Variants in HEMK2 observed in about 807,000 individuals in gnomAD.
HEMK2 encodes methyltransferase HEMK2.
the HEMK2 span, among the ~76,000 whole-genome samples, chr21:28,588,635 G>T: frequency 6.6e-6 from 1 of 152,124 alleles, no homozygotes; most frequent in East Asian, 1.9e-4. Context: ...GAGCAACATA[G>T]ATGTAATAAT....
chr21:28,631,458 C>T, the HEMK2 span, among the ~76,000 whole-genome samples: 1 of 152,002 alleles, frequency 6.6e-6, no homozygotes, highest in Non-Finnish European at 1.5e-5. Context: ...TATTCTAAAC[C>T]CCACCCTAAT....
chr21:28,661,404 T>C, the HEMK2 span, among the ~76,000 whole-genome samples: 3 of 152,052 alleles, frequency 2.0e-5, no homozygotes. Context: ...CACTATAATT[T>C]TATCATATCA....
the HEMK2 span, among the ~76,000 whole-genome samples, chr21:28,864,869 G>GATAGATAGATA: frequency 1.1e-5 from 1 of 87,662 alleles, no homozygotes. Flanking sequence ...ATAGATAGAT[G>GATAGATAGATA]GATGATAGGT....
At chr21:28,693,866 A>T in the HEMK2 span, among the ~76,000 whole-genome samples, 4 of 152,218 alleles carry the variant, frequency 2.6e-5, no homozygotes, top group African/African-American at 9.7e-5. Flanking sequence ...GTCTTTCTTA[A>T]TCAGTGTTTA....
At chr21:28,691,789 C>T in the HEMK2 span, among the ~76,000 whole-genome samples, 12 of 152,182 alleles carry the variant, frequency 7.9e-5, no homozygotes, top group Non-Finnish European at 1.5e-4. Context: ...CAAATGTTTA[C>T]TCTTTTGAAA....
the HEMK2 span, among the ~76,000 whole-genome samples, chr21:28,656,873 A>G: frequency 6.6e-6 from 1 of 152,130 alleles, no homozygotes; most frequent in South Asian, 2.1e-4. Flanking sequence ...GATAAATTAC[A>G]TAACTCTCTG....
At chr21:28,880,570 C>T in the HEMK2 span, among the ~76,000 whole-genome samples, 1 of 152,054 alleles carries the variant, frequency 6.6e-6, no homozygotes, top group African/African-American at 2.4e-5. Context: ...TGATGAAACC[C>T]AGTCTCTACT....
chr21:28,624,390 G>A, the HEMK2 span, among the ~76,000 whole-genome samples: 3 of 152,126 alleles, frequency 2.0e-5, no homozygotes, highest in Middle Eastern at 3.2e-3. Flanking sequence ...ACTTCTCTCC[G>A]TAATACATAC....
chr21:28,859,031 TA>T, the HEMK2 span, among the ~76,000 whole-genome samples: 3 of 152,198 alleles, frequency 2.0e-5, no homozygotes, highest in African/African-American at 7.2e-5. Flanking sequence ...GTAAATTAAT[TA>T]AAAAATAACA....
the HEMK2 span, among the ~76,000 whole-genome samples, chr21:28,585,035 G>A: frequency 6.6e-6 from 1 of 152,172 alleles, no homozygotes; most frequent in Non-Finnish European, 1.5e-5. Context: ...GGACTTAGAG[G>A]TGATTGCCAG....
chr21:28,814,370 A>G, the HEMK2 span, among the ~76,000 whole-genome samples: 1 of 151,916 alleles, frequency 6.6e-6, no homozygotes, highest in African/African-American at 2.4e-5. Context: ...ACAAAAGACA[A>G]AATTGACAAA....
the HEMK2 span, among the ~76,000 whole-genome samples, chr21:28,676,433 G>T: frequency 1.3e-5 from 2 of 152,174 alleles, no homozygotes; most frequent in African/African-American, 4.8e-5. Flanking sequence ...ACTTTCTGAG[G>T]TACCAGGGGG....
the HEMK2 span, among the ~76,000 whole-genome samples, chr21:28,660,045 T>C: frequency 2.0e-5 from 3 of 152,010 alleles, no homozygotes; most frequent in Admixed American, 2.0e-4. Flanking sequence ...AATAGACTTA[T>C]TCCTGGTATT....
chr21:28,790,910 C>A, the HEMK2 span, among the ~76,000 whole-genome samples: 1 of 151,176 alleles, frequency 6.6e-6, no homozygotes, highest in African/African-American at 2.4e-5. Context: ...TGTAGCACAC[C>A]AGCATGGCAC....
At chr21:28,852,375 T>A in the HEMK2 span, among the ~76,000 whole-genome samples, 1 of 152,160 alleles carries the variant, frequency 6.6e-6, no homozygotes, top group South Asian at 2.1e-4. Context: ...TGGACCCACT[T>A]TAAGTCAGAC....
chr21:28,824,599 CA>C, the HEMK2 span, among the ~76,000 whole-genome samples: 1 of 152,150 alleles, frequency 6.6e-6, no homozygotes, highest in African/African-American at 2.4e-5. Flanking sequence ...GATCACACAA[CA>C]AATTCATTCT....
the HEMK2 span, among the ~76,000 whole-genome samples, chr21:28,755,959 T>C: frequency 6.6e-6 from 1 of 152,188 alleles, no homozygotes. Context: ...AACCAAACAT[T>C]AAAATATATG....
chr21:28,691,995 T>G, the HEMK2 span, among the ~76,000 whole-genome samples: 226 of 152,340 alleles, frequency 1.5e-3, 5 homozygotes, highest in East Asian at 0.041. Context: ...ATCTTACTCA[T>G]TATTTGACTG....
the HEMK2 span, among the ~76,000 whole-genome samples, chr21:28,584,408 T>A: frequency 2.6e-5 from 4 of 152,168 alleles, no homozygotes; most frequent in African/African-American, 9.7e-5. Context: ...AGCTTCTGAG[T>A]ATAATTGAGG....
Sources: gnomAD v4.1 joint callset for allele counts (sites outside exome capture counted in the v4.1 genomes callset) on GRCh38, gnomAD v4.1.1 for gene constraint, MANE v1.5 for transcripts, NCBI Gene and HGNC (gene_info 2026-07-23, HGNC 2026-07-21) for gene names.